Variants in SYT17 observed in about 807,000 individuals in gnomAD.
SYT17 encodes synaptotagmin 17.
In SYT17, 22 loss-of-function variants were observed where a neutral mutation model predicts 46.7. The ratio of observed to expected loss-of-function variants is 0.47; its 90% CI spans 0.34 to 0.67. The LOEUF is 0.67. SYT17 is among the 30% of genes least tolerant of loss of function. SYT17 has a pLI of 0.01. For missense variants in SYT17, 519 were observed against 612.8 expected, an observed-to-expected ratio of 0.85 and a Z score of 1.62; for synonymous variants, 251 against 248.4, an observed-to-expected ratio of 1.01 and a Z score of -0.10.
intron 5 of SYT17, among the ~76,000 whole-genome samples, chr16:19,210,511 CT>C (rs995759370): frequency 2.1e-5 from 3 of 142,404 alleles, no homozygotes; most frequent in African/African-American, 5.3e-5. Context: ...TTTAAATACC[CT>C]TTTTTTTTCT....
intron 7 of SYT17, among the ~76,000 whole-genome samples, chr16:19,258,379 G>A (rs569722971): frequency 2.0e-5 from 3 of 152,216 alleles, no homozygotes; most frequent in East Asian, 3.9e-4. Flanking sequence ...GGTGGCTCAC[G>A]TCTGTAACCC....
At chr16:19,191,418 G>A (rs1050555281) in intron 5 of SYT17, among the ~76,000 whole-genome samples, 2 of 152,270 alleles carry the variant, frequency 1.3e-5, no homozygotes, top group Admixed American at 6.5e-5. Context: ...TCCATGTGGG[G>A]CAAAACCAAA....
intron 5 of SYT17, among the ~76,000 whole-genome samples, chr16:19,195,831 A>G (rs1965218484): frequency 6.6e-6 from 1 of 152,132 alleles, no homozygotes; most frequent in African/African-American, 2.4e-5. Context: ...CAAAAAATTT[A>G]AAACTTAGCC....
intron 5 of SYT17, among the ~76,000 whole-genome samples, chr16:19,208,294 G>C (rs1479753952): frequency 6.6e-6 from 1 of 152,190 alleles, no homozygotes; most frequent in East Asian, 1.9e-4. Flanking sequence ...GCAATTATTG[G>C]AGGTGTATTA....
rs749572306 is a variant in SYT17, at chr16:19,252,384, TATATATATAC to T, written c.1229-14476_1229-14467del. On this transcript the variant is annotated intron_variant, in intron 7 of 7. Coordinates refer to ENST00000355377, the MANE Select transcript of SYT17 (RefSeq NM_016524.4). ...ATATATATATACATATATATACATA[TATATATATAC>T]ATATATATACATATATATATACATA... Among the ~76,000 whole-genome samples the T allele has an allele frequency of 3.7e-4, 21 of 57,032 alleles. 7 individuals carry two copies. The highest frequency in any genetic ancestry group is 5.2e-4 in the Non-Finnish European group (19 of 36,486). The allele number at this position is 57,032 out of a possible 152,430, so 37.4% of individuals were successfully genotyped here.
At chr16:19,195,873 A>G (rs1965220308) in intron 5 of SYT17, among the ~76,000 whole-genome samples, 1 of 152,036 alleles carries the variant, frequency 6.6e-6, no homozygotes, top group Non-Finnish European at 1.5e-5. Flanking sequence ...CATTCGCAGC[A>G]ACTCGGGAGG....
intron 1 of SYT17, chr16:19,171,392 C>G (rs373857142): frequency 6.5e-6 from 1 of 153,062 alleles, no homozygotes; most frequent in Non-Finnish European, 1.5e-5. Context: ...GGTGCGATCT[C>G]GGCTCACTGC....
chr16:19,261,552 T>C (rs941215599), intron 7 of SYT17, among the ~76,000 whole-genome samples: 22 of 152,382 alleles, frequency 1.4e-4, no homozygotes, highest in Non-Finnish European at 2.9e-4. Flanking sequence ...TGACTTATTT[T>C]TCCTTTGTTT....
At chr16:19,177,392 C>CAG (rs936448048) in intron 3 of SYT17, among the ~76,000 whole-genome samples, 11 of 152,332 alleles carry the variant, frequency 7.2e-5, no homozygotes, top group African/African-American at 2.2e-4. Context: ...GTGCTTAATA[C>CAG]AGTTTTGACA....
chr16:19,186,946 A>G (rs1016549136), intron 5 of SYT17, among the ~76,000 whole-genome samples: 2 of 152,246 alleles, frequency 1.3e-5, no homozygotes, highest in African/African-American at 2.4e-5. Context: ...TGGGAAAGAC[A>G]GTTTGGTAAA....
rs1966477373 is a variant in SYT17 at position 19,225,779 on chromosome 16, G to A, written c.1228+941G>A. Among the ~76,000 whole-genome samples, 3 of 152,200 alleles carry A rather than the reference G, an allele frequency of 2.0e-5. No homozygotes were observed. The South Asian group carries it at 6.2e-4, about 32-fold the overall frequency. On this transcript the variant is annotated intron_variant, in intron 7 of 7. Transcript: ENST00000355377. ...TCCTTGCCACATGGGCTTTACCATA[G>A]AACAACTCACAACATGACTTTCATC...
chr16:19,212,596 G>A (rs538286304), intron 5 of SYT17, among the ~76,000 whole-genome samples: 1 of 152,210 alleles, frequency 6.6e-6, no homozygotes, highest in South Asian at 2.1e-4. Flanking sequence ...ACTCCAACTT[G>A]AGCCACAGAG....
intron 5 of SYT17, among the ~76,000 whole-genome samples, chr16:19,214,966 C>T (rs229024): frequency 0.62 from 94,382 of 151,380 alleles, 30,104 homozygotes; most frequent in African/African-American, 0.72. Context: ...TTTTGTATTT[C>T]TAGTAGAGAC....
Position 19,183,679 on chromosome 16 carries a change from G to T in SYT17, c.483G>T (p.Leu161=). The T allele has an allele frequency of 6.2e-7, 1 of 1,614,160 alleles. No homozygotes were observed. The highest frequency in any genetic ancestry group is 1.1e-5 in the South Asian group (1 of 91,076). The part of the protein sequence containing the change: ...DDYFRKFEPH[L]YSLDSNSDDV... ...ATTTCAGGAAGTTCGAACCCCACCT[G>T]TACTCCCTCGACTCCAACAGCGACG... The change falls in exon 5 of 8, where the codon CTG becomes CTT. Residue 161 remains leucine (L), a synonymous_variant. Transcript: ENST00000355377. The surrounding 1 kb of genome is among the most constrained non-coding windows in gnomAD (Gnocchi z 5.6).
At chr16:19,200,493 A>G (rs1427876026) in intron 5 of SYT17, among the ~76,000 whole-genome samples, 3 of 152,238 alleles carry the variant, frequency 2.0e-5, no homozygotes, top group Non-Finnish European at 2.9e-5. Flanking sequence ...CTCAATTTGC[A>G]CTAGCCCTAT....
intron 3 of SYT17, among the ~76,000 whole-genome samples, chr16:19,175,233 A>T (rs180860444): frequency 1.4e-4 from 21 of 152,332 alleles, no homozygotes; most frequent in Admixed American, 5.9e-4. Context: ...TTCAATAGAG[A>T]TTAATTAAAC....
At chr16:19,171,289 T>TG in intron 1 of SYT17, 1 of 107,282 alleles carries the variant, frequency 9.3e-6, no homozygotes, top group East Asian at 1.9e-4. Context: ...CCACCTATAC[T>TG]ATGATGATGA....
chr16:19,168,477 G>T lies in SYT17; in HGVS notation c.-170G>T. On this transcript the variant is annotated 5_prime_UTR_variant, in exon 1 of 8. Coordinates refer to ENST00000355377, the MANE Select transcript of SYT17 (RefSeq NM_016524.4). This position sits in a 1 kb window ranked among gnomAD's most constrained non-coding sequence, Gnocchi z 6.9. The stretch of plus-strand genomic sequence containing the variant: ...ACGCAGGGAAAGGCAAGGACGGGGC[G>T]GCCGGCGGAGGGGCGGGCGCCGCTC... The T allele has an allele frequency of 4.6e-6, 4 of 866,826 alleles. No homozygotes were observed. The highest frequency in any genetic ancestry group is 1.8e-6 in the Non-Finnish European group (1 of 565,716). 53.7% of individuals were successfully genotyped at this position (866,826 alleles called of 1,614,324 possible). A position where few individuals can be genotyped will look rare whatever the true frequency, so the allele number is the denominator to read the frequency against.
intron 7 of SYT17, among the ~76,000 whole-genome samples, chr16:19,228,205 G>A (rs1966561946): frequency 6.6e-6 from 1 of 152,060 alleles, no homozygotes; most frequent in Non-Finnish European, 1.5e-5. Flanking sequence ...TACAAGGGTA[G>A]CCACACCACA....
Sources: allele counts gnomAD v4.1 joint callset (sites outside exome capture counted in the v4.1 genomes callset), GRCh38; gene constraint gnomAD v4.1.1; non-coding constraint Gnocchi (gnomAD v3.1); transcripts MANE v1.5; gene names NCBI Gene and HGNC (gene_info 2026-07-23, HGNC 2026-07-21).